GSDMC: variants seen among roughly 807,000 people sequenced by gnomAD.
GSDMC encodes gasdermin C.
GSDMC carries 59 observed loss-of-function variants against 58.0 expected under a neutral mutation model. That is an observed-to-expected ratio of 1.02 (90% CI 0.82 to 1.26). The LOEUF (loss-of-function observed/expected upper bound fraction) is 1.26. GSDMC is among the 50% of genes most tolerant of loss of function. The pLI is 0.00. For synonymous variants in GSDMC, 241 were observed against 220.2 expected (o/e 1.09, Z -0.83); for missense variants, 659 against 598.5 (o/e 1.10, Z -1.06).
the GSDMC span, among the ~76,000 whole-genome samples, chr8:129,726,999 T>TACACACAC: frequency 2.6e-3 from 238 of 93,048 alleles, no homozygotes; most frequent in Admixed American, 6.0e-3. Context: ...CCAATACACA[T>TACACACAC]ACACACACAC....
intron 10 of GSDMC, among the ~76,000 whole-genome samples, chr8:129,750,791 G>T (rs2033159150): frequency 6.6e-6 from 1 of 152,220 alleles, no homozygotes; most frequent in Non-Finnish European, 1.5e-5. Flanking sequence ...AGGGGAAATA[G>T]GGTACTGGGA....
intron 3 of GSDMC, among the ~76,000 whole-genome samples, chr8:129,766,334 C>A (rs879362955): frequency 1.3e-5 from 2 of 152,118 alleles, no homozygotes; most frequent in Non-Finnish European, 2.9e-5. Context: ...GATGTAGTTT[C>A]CAGGGATATA....
rs2130332619 is a variant in GSDMC at position 129,750,485 on chromosome 8, G to A, written c.1029C>T (p.Tyr343=). The change falls in exon 11 of 14, where the codon TAC becomes TAT. Residue 343 remains tyrosine, a synonymous_variant. Transcript: ENST00000276708. The part of the protein sequence containing the change: ...LSKDVQDVMF[Y]SILAMLRDRG... ...TGTCTCTGAGCATGGCCAGGATACT[G>A]TAGAACATGACATCCTGAACATCCT... The A allele has an allele frequency of 2.5e-6, 4 of 1,613,752 alleles. No individual in the cohort carries two copies. Among genetic ancestry groups the A allele is most frequent in the Non-Finnish European group, 3.4e-6 (4 of 1,179,648 alleles).
the GSDMC span, among the ~76,000 whole-genome samples, chr8:129,727,680 T>C: frequency 1.3e-5 from 2 of 152,198 alleles, no homozygotes; most frequent in Non-Finnish European, 2.9e-5. Context: ...TCTAGGCACA[T>C]ACAAAGTCAC....
At chr8:129,707,948 A>G in the GSDMC span, among the ~76,000 whole-genome samples, 1 of 152,156 alleles carries the variant, frequency 6.6e-6, no homozygotes, top group Non-Finnish European at 1.5e-5. Flanking sequence ...CCTGTCTTGT[A>G]TGCACTTTAA....
chr8:129,732,080 C>A, the GSDMC span, among the ~76,000 whole-genome samples: 2,526 of 152,154 alleles, frequency 0.017, 78 homozygotes, highest in African/African-American at 0.058. Context: ...AGAGGTGGGG[C>A]CTTTAAGAGG....
At chr8:129,783,672 C>G (rs1396715199) in intron 1 of GSDMC, among the ~76,000 whole-genome samples, 1 of 152,092 alleles carries the variant, frequency 6.6e-6, no homozygotes, top group East Asian at 1.9e-4. Flanking sequence ...CTATCCAAAG[C>G]AATCTTCAGA....
At chr8:129,741,915 A>AATATAT in the GSDMC span, among the ~76,000 whole-genome samples, 1,609 of 126,212 alleles carry the variant, frequency 0.013, 56 homozygotes, top group African/African-American at 0.041. Context: ...AAGAAAATGT[A>AATATAT]ATATATATAT....
intron 1 of GSDMC, among the ~76,000 whole-genome samples, chr8:129,784,883 T>C (rs2130599582): frequency 6.6e-6 from 1 of 152,236 alleles, no homozygotes; most frequent in Non-Finnish European, 1.5e-5. Flanking sequence ...CAAAATGTGG[T>C]ACATATACAT....
chr8:129,768,138 G>A (rs893145144), intron 3 of GSDMC, among the ~76,000 whole-genome samples: 2 of 152,188 alleles, frequency 1.3e-5, no homozygotes, highest in Non-Finnish European at 2.9e-5. Flanking sequence ...AGTACGGGCA[G>A]TGGCCGCATC....
At chr8:129,755,641 A>G (rs2033397384) in intron 6 of GSDMC, among the ~76,000 whole-genome samples, 1 of 152,296 alleles carries the variant, frequency 6.6e-6, no homozygotes, top group East Asian at 1.9e-4. Flanking sequence ...GAATCAATCA[A>G]AAATAACTAC....
the GSDMC span, among the ~76,000 whole-genome samples, chr8:129,707,615 T>C: frequency 9.2e-5 from 14 of 152,156 alleles, no homozygotes; most frequent in Admixed American, 6.5e-4. Flanking sequence ...ACCAGAACAA[T>C]GGAAACAGCT....
chr8:129,721,224 T>C, the GSDMC span, among the ~76,000 whole-genome samples: 1 of 152,188 alleles, frequency 6.6e-6, no homozygotes, highest in Non-Finnish European at 1.5e-5. Flanking sequence ...ATGGTCTCTC[T>C]GCATTGACTC....
Position 129,752,136 on chromosome 8 carries a change from T to A in GSDMC, c.856A>T (p.Thr286Ser), listed in dbSNP as rs1167944979. The A allele has an allele frequency of 1.2e-6, 2 of 1,613,110 alleles. No individual in the cohort carries two copies. The highest frequency in any genetic ancestry group is 1.7e-6 in the Non-Finnish European group (2 of 1,179,088). ...DMKLKPELFL[T>S]QQFLSGHLPK... is the part of the protein sequence containing the mutation. ...AAATGCCCGCTCAAAAATTGCTGTG[T>A]CAGAAATAGCTCTGGAAAGAGAAAG... Residue 286 changes from threonine to serine, a missense_variant, in exon 8 of 14, where the codon ACA (threonine) becomes TCA (serine). Transcript: ENST00000276708.
chr8:129,727,267 G>T, the GSDMC span, among the ~76,000 whole-genome samples: 2 of 152,054 alleles, frequency 1.3e-5, no homozygotes. Flanking sequence ...CAAGATGGTG[G>T]ATTAAAGCCT....
chr8:129,730,293 C>A, the GSDMC span: 7 of 1,369,768 alleles, frequency 5.1e-6, no homozygotes, highest in Non-Finnish European at 7.0e-6. Flanking sequence ...TAATTTTCCA[C>A]AGAACCAGGT....
chr8:129,729,565 G>C, the GSDMC span, among the ~76,000 whole-genome samples: 10 of 152,056 alleles, frequency 6.6e-5, no homozygotes, highest in Non-Finnish European at 1.5e-4. Flanking sequence ...GTGGTGTTTG[G>C]TTTTTTGTTC....
chr8:129,736,333 C>CA, the GSDMC span, among the ~76,000 whole-genome samples: 14 of 152,038 alleles, frequency 9.2e-5, no homozygotes, highest in Non-Finnish European at 2.1e-4. Context: ...ACAGATGCAA[C>CA]AAAAAAAGAG....
At position 129,751,758 on chromosome 8, in the gene GSDMC, C is replaced by T. The variant is rs1301982435; in HGVS notation, c.916+104G>A. 6 of 1,272,658 alleles carry T rather than the reference C, an allele frequency of 4.7e-6. No homozygotes were observed. In the East Asian group the frequency reaches 6.9e-5, roughly 15 times the overall value. The allele number at this position is 1,272,658 out of a possible 1,614,324, so 78.8% of individuals were successfully genotyped here. A position where few individuals can be genotyped will look rare whatever the true frequency, so the allele number is the denominator to read the frequency against. ...CATTCCACATGACCAAACGCCAGGC[C>T]CTAGGGCGGTGGTGGCAAAGGCGAG... On this transcript the variant is annotated intron_variant, in intron 9 of 13. Coordinates refer to ENST00000276708, the MANE Select transcript of GSDMC (RefSeq NM_031415.3).
Sources: gnomAD v4.1 joint callset for allele counts (sites outside exome capture counted in the v4.1 genomes callset) on GRCh38, gnomAD v4.1.1 for gene constraint, MANE v1.5 for transcripts, NCBI Gene and HGNC (gene_info 2026-07-23, HGNC 2026-07-21) for gene names.